The following RPS6KA6 variants were observed in gnomAD, a reference collection of about 807,000 sequenced individuals.
The protein encoded by RPS6KA6 is ribosomal protein S6 kinase alpha-6.
RPS6KA6 carries 27 observed loss-of-function variants against 65.4 expected under a neutral mutation model. The ratio of observed to expected loss-of-function variants is 0.41; its 90% CI spans 0.30 to 0.57. RPS6KA6 has a LOEUF of 0.57. RPS6KA6 is among the 20% of genes least tolerant of loss of function. RPS6KA6 has a pLI of 0.24. For missense variants in RPS6KA6, 486 were observed against 555.6 expected (o/e 0.87, Z 1.26); for synonymous variants, 190 against 184.2 (o/e 1.03, Z -0.26).
chrX:84,129,977 T>G (rs1458437762), intron 8 of RPS6KA6, among the ~76,000 whole-genome samples: 2 of 110,947 alleles, frequency 1.8e-5, no homozygotes, highest in African/African-American at 6.5e-5. Flanking sequence ...TATACATTTT[T>G]AAATAACTAA....
chrX:84,120,422 G>C (rs6622920), intron 8 of RPS6KA6, among the ~76,000 whole-genome samples: 71 of 111,235 alleles, frequency 6.4e-4, no homozygotes, highest in African/African-American at 2.1e-3. Flanking sequence ...GCTTTGGTGA[G>C]CTTCCATTTT....
chrX:84,165,116 C>T (rs961609005), intron 1 of RPS6KA6, among the ~76,000 whole-genome samples: 17 of 110,474 alleles, frequency 1.5e-4, no homozygotes, highest in Non-Finnish European at 2.7e-4. Context: ...CAGAGTTGAC[C>T]AGTTGTGACA....
At chrX:84,095,050 C>A (rs2034126241) in intron 20 of RPS6KA6, among the ~76,000 whole-genome samples, 1 of 111,889 alleles carries the variant, frequency 8.9e-6, no homozygotes, top group Admixed American at 9.5e-5. Flanking sequence ...GTTTTCCTGG[C>A]TTCCATTCAA....
intron 3 of RPS6KA6, among the ~76,000 whole-genome samples, chrX:84,152,571 G>A (rs1462426603): frequency 9.0e-6 from 1 of 110,733 alleles, no homozygotes. Context: ...ATAAAGTTGT[G>A]CTATATCACC....
intron 6 of RPS6KA6, among the ~76,000 whole-genome samples, chrX:84,140,794 AACT>A (rs1418249465): frequency 9.6e-6 from 1 of 103,956 alleles, no homozygotes; most frequent in African/African-American, 3.4e-5. Flanking sequence ...GATCTGAGGA[AACT>A]ACCCAAGCCC....
chrX:84,187,011 G>C (rs2035935881), intron 1 of RPS6KA6: 1 of 112,115 alleles, frequency 8.9e-6, no homozygotes, highest in Non-Finnish European at 1.9e-5. Context: ...AGAGTAAGAA[G>C]AGTGGGAAGA....
intron 21 of RPS6KA6, 40 bp from the exon 22 acceptor site, chrX:84,064,442 C>A: frequency 1.8e-6 from 2 of 1,097,600 alleles, no homozygotes; most frequent in Admixed American, 3.2e-5. Flanking sequence ...AGTACAAATT[C>A]TGGAGTTAAA....
In RPS6KA6 at chrX:84,116,214, T is replaced by G. The variant is rs6616899; in HGVS notation, c.1008+15A>C. The G allele has an allele frequency of 0.054, 57,378 of 1,067,362 alleles. 1,760 individuals are homozygous for G. Among genetic ancestry groups the G allele is most frequent in the East Asian group, 0.24 (7,842 of 32,018 alleles). The allele number at this position is 1,067,362 out of a possible 1,213,427, so 88.0% of individuals were successfully genotyped here. ...ATATGAAGTTATTCAATAACAAGCT[T>G]TCTACTTAACTTACATCCCAGTCAA... is the stretch of plus-strand genomic sequence containing the variant. On this transcript the variant is annotated intron_variant, in intron 12 of 21. Coordinates refer to ENST00000262752, the MANE Select transcript of RPS6KA6 (RefSeq NM_014496.5).
intron 20 of RPS6KA6, among the ~76,000 whole-genome samples, chrX:84,093,485 G>A (rs1486295773): frequency 8.9e-6 from 1 of 111,929 alleles, no homozygotes; most frequent in Non-Finnish European, 1.9e-5. Flanking sequence ...CATAAAAAGG[G>A]ATTATCTAAG....
At chrX:84,181,474 AAC>A (rs1472837076) in intron 1 of RPS6KA6, among the ~76,000 whole-genome samples, 1 of 112,459 alleles carries the variant, frequency 8.9e-6, no homozygotes, top group African/African-American at 3.2e-5. Flanking sequence ...AACAAAATAA[AAC>A]ACACAGAAAA....
intron 1 of RPS6KA6, among the ~76,000 whole-genome samples, chrX:84,183,801 A>AACC (rs1212177597): frequency 9.1e-6 from 1 of 110,166 alleles, no homozygotes; most frequent in Non-Finnish European, 1.9e-5. Context: ...TCCATTCCTA[A>AACC]ACCACCACCA....
At chrX:84,135,763 T>C (rs1170913873) in intron 6 of RPS6KA6, among the ~76,000 whole-genome samples, 3 of 111,408 alleles carry the variant, frequency 2.7e-5, no homozygotes, top group African/African-American at 9.8e-5. Context: ...TTACACACAA[T>C]TGTGAACTCA....
chrX:84,123,699 G>C (rs1276327789), intron 8 of RPS6KA6, among the ~76,000 whole-genome samples: 3 of 112,133 alleles, frequency 2.7e-5, no homozygotes, highest in Non-Finnish European at 5.6e-5. Flanking sequence ...AATTTCTAAG[G>C]TATTTGACTC....
intron 20 of RPS6KA6, among the ~76,000 whole-genome samples, chrX:84,067,792 G>C (rs1414374272): frequency 6.3e-5 from 7 of 111,133 alleles, no homozygotes; most frequent in South Asian, 3.8e-4. Context: ...TCCTTGAGAA[G>C]AGCAATCCCA....
chrX:84,086,391 T>G (rs2033922327), intron 20 of RPS6KA6, among the ~76,000 whole-genome samples: 1 of 112,041 alleles, frequency 8.9e-6, no homozygotes, highest in African/African-American at 3.2e-5. Context: ...ACTTCTTGAT[T>G]TCTGCCTTAA....
In RPS6KA6 at chrX:84,059,031, A is replaced by C. The variant is rs1344729489; in HGVS notation, c.*5246T>G. On this transcript the variant is annotated 3_prime_UTR_variant, in exon 22 of 22. Coordinates refer to ENST00000262752, the MANE Select transcript of RPS6KA6 (RefSeq NM_014496.5). ...TTTTTTGTACTATGGAATTTAATGC[A>C]AGATAAATTCTAACTTACAAACCAT... 2.8e-5 allele frequency: 3 copies of C among 106,927 alleles called. No homozygotes were observed. Among genetic ancestry groups the C allele is most frequent in the African/African-American group, 1.0e-4 (3 of 29,340 alleles). 8.8% of individuals were successfully genotyped at this position (106,927 alleles called of 1,213,427 possible).
chrX:84,095,315 A>C (rs1482346083), intron 20 of RPS6KA6, among the ~76,000 whole-genome samples: 1 of 112,007 alleles, frequency 8.9e-6, no homozygotes, highest in Non-Finnish European at 1.9e-5. Flanking sequence ...TGTAGCTTAA[A>C]AGCTTCTGGG....
intron 5 of RPS6KA6, among the ~76,000 whole-genome samples, chrX:84,145,916 A>T (rs767818058): frequency 9.7e-4 from 108 of 111,252 alleles, no homozygotes; most frequent in Middle Eastern, 4.6e-3. Flanking sequence ...ACTTTCCAGG[A>T]TTTCCCCCTT....
intron 2 of RPS6KA6, among the ~76,000 whole-genome samples, chrX:84,160,864 A>G (rs2035500023): frequency 9.0e-6 from 1 of 111,501 alleles, no homozygotes; most frequent in African/African-American, 3.3e-5. Context: ...GGGTGAACTA[A>G]GCACATCAAA....
Sources: gnomAD v4.1 joint callset for allele counts (sites outside exome capture counted in the v4.1 genomes callset) on GRCh38, gnomAD v4.1.1 for gene constraint, MANE v1.5 for transcripts, NCBI Gene and HGNC (gene_info 2026-07-23, HGNC 2026-07-21) for gene names.